AADACL2: variants seen among roughly 807,000 people sequenced by gnomAD.
AADACL2 encodes arylacetamide deacetylase like 2, also known as arylacetamide deacetylase-like 2.
A neutral mutation model predicts 22.3 loss-of-function variants in AADACL2; 23 were observed. That is an observed-to-expected ratio of 1.03 (90% CI 0.74 to 1.46). The LOEUF (loss-of-function observed/expected upper bound fraction) is 1.46. Among genes scored for constraint, AADACL2 ranks in the 40% most tolerant of loss-of-function variants. The pLI is 0.00. For synonymous variants in AADACL2, 177 were observed against 166.2 expected (o/e 1.07, Z -0.50); for missense variants, 472 against 482.9 (o/e 0.98, Z 0.21).
At chr3:151,746,484 G>A (rs1713452328) in intron 4 of AADACL2, among the ~76,000 whole-genome samples, 1 of 150,576 alleles carries the variant, frequency 6.6e-6, no homozygotes, top group Non-Finnish European at 1.5e-5. Flanking sequence ...CACTGTCTGG[G>A]GCCTCTAGTA....
In AADACL2 at chr3:151,745,633, G is replaced by T. The variant is rs1972977; in HGVS notation, c.556G>T (p.Ala186Ser). The change falls in exon 4 of 5, where the codon GCG becomes TCG. Residue 186 changes from alanine to serine, a missense_variant. This residue lies in a region of AADACL2 where 356 missense variants were observed against 365.5 expected (regional missense o/e 0.97). Coordinates refer to ENST00000356517, the MANE Select transcript of AADACL2 (RefSeq NM_207365.4). ...AGTGGATCCCACCCGAATCTGCATT[G>T]CGGGAGACAGTTCTGGGGGCAATTT... ...YGVDPTRICIAGDSSGGNLAT... is the reference protein window; with the variant it reads ...YGVDPTRICISGDSSGGNLAT... The T allele has an allele frequency of 0.66, 1,062,848 of 1,611,986 alleles. 352,578 individuals carry two copies. Among genetic ancestry groups the T allele is most frequent in the African/African-American group, 0.81 (60,582 of 74,804 alleles).
At chr3:151,744,479 A>G (rs1038747018) in intron 3 of AADACL2, among the ~76,000 whole-genome samples, 1 of 152,086 alleles carries the variant, frequency 6.6e-6, no homozygotes, top group African/African-American at 2.4e-5. Context: ...ATTAACTATT[A>G]CACATTTGGG....
At chr3:151,745,085 G>A (rs2107984422) in intron 3 of AADACL2, among the ~76,000 whole-genome samples, 1 of 152,144 alleles carries the variant, frequency 6.6e-6, no homozygotes, top group East Asian at 1.9e-4. Flanking sequence ...TTACCTAAAT[G>A]TCCTTGATAA....
rs769393189 is a variant in AADACL2, at chr3:151,757,011, T to G, written c.623T>G (p.Ile208Arg). The G allele has an allele frequency of 1.4e-5, 23 of 1,603,434 alleles. No homozygotes were observed. The highest frequency in any genetic ancestry group is 2.0e-5 in the Non-Finnish European group (23 of 1,176,672). Residue 208 changes from isoleucine to arginine, a missense_variant, in exon 5 of 5, where the codon ATA becomes AGA. Coordinates refer to ENST00000356517, the MANE Select transcript of AADACL2 (RefSeq NM_207365.4). ...TTTCAGGTGCAGAATGATGCTGAAA[T>G]AAAACATAAAATCAAGATGCAAGTC... ...VTQQVQNDAE[I>R]KHKIKMQVLL... is the part of the protein sequence containing the mutation.
chr3:151,735,956 G>C (rs1713072731), intron 1 of AADACL2, among the ~76,000 whole-genome samples: 1 of 151,952 alleles, frequency 6.6e-6, no homozygotes. Flanking sequence ...TCGAGAAGCT[G>C]GTCAGGAATA....
At chr3:151,750,564 A>T (rs1713631032) in intron 4 of AADACL2, among the ~76,000 whole-genome samples, 1 of 152,110 alleles carries the variant, frequency 6.6e-6, no homozygotes, top group Admixed American at 6.5e-5. Context: ...TTAAAAAAAA[A>T]AGATGAAACT....
In AADACL2 at chr3:151,756,915, C is replaced by T. The variant is rs997368581; in HGVS notation, c.604-77C>T. 3 of 1,381,040 alleles carry T rather than the reference C, an allele frequency of 2.2e-6. No homozygotes were observed. In the African/African-American group the frequency reaches 4.4e-5, roughly 20 times the overall value. The allele number at this position is 1,381,040 out of a possible 1,614,324, so 85.5% of individuals were successfully genotyped here. A position where few individuals can be genotyped will look rare whatever the true frequency, so the allele number is the denominator to read the frequency against. The stretch of plus-strand genomic sequence containing the variant: ...TTATGTAGATTTGTTTATCTTATGA[C>T]TGCTAGATAATTAAATTTTTTTTCT... On this transcript the variant is annotated intron_variant, in intron 4 of 4. Coordinates refer to ENST00000356517, the MANE Select transcript of AADACL2 (RefSeq NM_207365.4).
intron 1 of AADACL2, among the ~76,000 whole-genome samples, chr3:151,734,383 T>C (rs1713024844): frequency 5.9e-5 from 9 of 152,204 alleles, no homozygotes; most frequent in Admixed American, 5.9e-4. Context: ...TCTAAGACTT[T>C]ATGTCTAAAC....
chr3:151,757,400 T>G lies in AADACL2; in HGVS notation c.1012T>G (p.Cys338Gly). The G allele has an allele frequency of 6.2e-7, 1 of 1,613,806 alleles. No homozygotes were observed. The highest frequency in any genetic ancestry group is 2.2e-5 in the East Asian group (1 of 44,866). Residue 338 changes from cysteine to glycine, a missense_variant, in exon 5 of 5, where the codon TGT becomes GGT. Transcript: ENST00000356517. ...TTTGCCACTAACCTATATTCTTACT[T>G]GTCAACATGATCTCTTAAGAGATGA... ...QNLPLTYILT[C>G]QHDLLRDDGL...
chr3:151,756,866 A>C, intron 4 of AADACL2, 126 bp from the exon 5 acceptor site: 2 of 684,914 alleles, frequency 2.9e-6, no homozygotes, highest in Non-Finnish European at 4.1e-6. Context: ...TATTATAAAA[A>C]TAATTATGAT....
At chr3:151,751,987 C>T (rs9289854) in intron 4 of AADACL2, among the ~76,000 whole-genome samples, 32,850 of 152,082 alleles carry the variant, frequency 0.22, 3,987 homozygotes, top group African/African-American at 0.33. Context: ...TGCAGAAGAA[C>T]TCAGTGTACT....
rs1411839285 is a variant in AADACL2, at chr3:151,760,624, T to C, written c.*3030T>C. 6.6e-6 allele frequency: 1 copy of C among 152,256 alleles called. No homozygotes were observed. Among genetic ancestry groups the C allele is most frequent in the Non-Finnish European group, 1.5e-5 (1 of 68,020 alleles). 9.4% of individuals were successfully genotyped at this position (152,256 alleles called of 1,614,324 possible). A position where few individuals can be genotyped will look rare whatever the true frequency, so the allele number is the denominator to read the frequency against. ...TGTAAAGAAGTAACAATTTCCAAAA[T>C]ACCTCCAAACAGCGCCACATCCTAA... On this transcript the variant is annotated 3_prime_UTR_variant, in exon 5 of 5. Coordinates refer to ENST00000356517, the MANE Select transcript of AADACL2 (RefSeq NM_207365.4).
rs2107994321 is a variant in AADACL2 at position 151,759,312 on chromosome 3, G to A, written c.*1718G>A. The A allele has an allele frequency of 6.6e-6, 1 of 152,126 alleles. No individual in the cohort carries two copies. Among genetic ancestry groups the A allele is most frequent in the African/African-American group, 2.4e-5 (1 of 41,498 alleles). The allele number at this position is 152,126 out of a possible 1,614,324, so 9.4% of individuals were successfully genotyped here. A position where few individuals can be genotyped will look rare whatever the true frequency, so the allele number is the denominator to read the frequency against. ...ATATACTGGCTACCCGTTCTAATTA[G>A]GAAAACAAGTCCTAGAAATCTCTTC... is the stretch of plus-strand genomic sequence containing the variant. On this transcript the variant is annotated 3_prime_UTR_variant, in exon 5 of 5. Coordinates refer to ENST00000356517, the MANE Select transcript of AADACL2 (RefSeq NM_207365.4).
intron 4 of AADACL2, among the ~76,000 whole-genome samples, chr3:151,751,859 G>A (rs561957315): frequency 1.7e-4 from 26 of 152,058 alleles, no homozygotes; most frequent in Non-Finnish European, 2.8e-4. Flanking sequence ...GCACAAAAGT[G>A]CACAAAAATC....
chr3:151,748,283 A>G (rs906464678), intron 4 of AADACL2, among the ~76,000 whole-genome samples: 3 of 152,074 alleles, frequency 2.0e-5, no homozygotes, highest in Non-Finnish European at 2.9e-5. Context: ...TTTTGAGTTG[A>G]TTTTTGTATA....
At chr3:151,743,925 G>A (rs1333875251) in intron 2 of AADACL2, among the ~76,000 whole-genome samples, 168 bp from the exon 3 acceptor site, 1 of 152,028 alleles carries the variant, frequency 6.6e-6, no homozygotes, top group Non-Finnish European at 1.5e-5. Context: ...AGACTAGGAA[G>A]GGGAGAGTGT....
chr3:151,737,580 T>C (rs1713133856), intron 1 of AADACL2, among the ~76,000 whole-genome samples: 1 of 152,136 alleles, frequency 6.6e-6, no homozygotes. Context: ...CTCCCACTAG[T>C]AGTTTGTGGG....
At chr3:151,736,272 G>C (rs1390795910) in intron 1 of AADACL2, among the ~76,000 whole-genome samples, 1 of 150,418 alleles carries the variant, frequency 6.6e-6, no homozygotes. Flanking sequence ...AAATATTTGA[G>C]ATTTTCCTTT....
In AADACL2 at chr3:151,757,261, T is replaced by C. The variant is rs1372157991; in HGVS notation, c.873T>C (p.Tyr291=). The stretch of plus-strand genomic sequence containing the variant: ...GGAGTATTCTTCTTCCTGAGAAGTA[T>C]AGAAAAGACTATGTATATACTGAAC... The part of the protein sequence containing the change: ...VNWSILLPEK[Y]RKDYVYTEPI... Residue 291 remains tyrosine (Y), a synonymous_variant, in exon 5 of 5, where the codon TAT becomes TAC. Transcript: ENST00000356517. 4 of 1,613,636 alleles carry C rather than the reference T, an allele frequency of 2.5e-6. No homozygotes were observed. Among genetic ancestry groups the C allele is most frequent in the East Asian group, 2.2e-5 (1 of 44,884 alleles).
Sources: gnomAD v4.1 joint callset for allele counts (sites outside exome capture counted in the v4.1 genomes callset) on GRCh38, gnomAD v4.1.1 for gene constraint, gnomAD v4.1.1 regional missense constraint, MANE v1.5 for transcripts, NCBI Gene and HGNC (gene_info 2026-07-23, HGNC 2026-07-21) for gene names.